HPSE2: variants seen among roughly 807,000 people sequenced by gnomAD.
HPSE2 encodes the protein heparanase 2 (inactive).
A neutral mutation model predicts 60.5 loss-of-function variants in HPSE2; 38 were observed. The observed-to-expected ratio is 0.63, with a 90% CI of 0.48 to 0.82. The LOEUF (loss-of-function observed/expected upper bound fraction) is 0.82. Ranked by LOEUF, HPSE2 falls within the 40% of genes least tolerant of loss-of-function variation. The probability of loss-of-function intolerance (pLI) is 0.00; values close to 1 mark genes in which losing one functional copy is unlikely to be tolerated. For synonymous variants in HPSE2, 295 were observed against 293.2 expected, an observed-to-expected ratio of 1.01 and a Z score of -0.06; for missense variants, 713 against 740.4, an observed-to-expected ratio of 0.96 and a Z score of 0.43.
chr10:98,772,288 G>A (rs1163608577), intron 3 of HPSE2, among the ~76,000 whole-genome samples: 1 of 152,090 alleles, frequency 6.6e-6, no homozygotes, highest in Non-Finnish European at 1.5e-5. Flanking sequence ...ATGAGTGTTA[G>A]TTAACAACTG....
At chr10:98,572,303 A>G (rs977980322) in intron 9 of HPSE2, among the ~76,000 whole-genome samples, 1 of 152,166 alleles carries the variant, frequency 6.6e-6, no homozygotes, top group African/African-American at 2.4e-5. Context: ...AATATAGTAT[A>G]TATTTTCCAT....
At chr10:98,590,355 T>C (rs983832074) in intron 9 of HPSE2, among the ~76,000 whole-genome samples, 2 of 152,190 alleles carry the variant, frequency 1.3e-5, no homozygotes, top group Admixed American at 6.5e-5. Flanking sequence ...GGCAGGAGAA[T>C]GGTGTGAACC....
chr10:98,788,677 C>T (rs1198277575), intron 3 of HPSE2, among the ~76,000 whole-genome samples: 4 of 152,074 alleles, frequency 2.6e-5, no homozygotes, highest in Admixed American at 6.6e-5. Flanking sequence ...GTCTGAAAAG[C>T]GCAATATTTG....
intron 6 of HPSE2, among the ~76,000 whole-genome samples, chr10:98,656,944 G>A (rs1003989656): frequency 1.3e-5 from 2 of 151,954 alleles, no homozygotes; most frequent in African/African-American, 2.4e-5. Context: ...GGTATTTTTG[G>A]TAGAGACATG....
chr10:98,755,456 T>A (rs1345759765), intron 3 of HPSE2, among the ~76,000 whole-genome samples: 1 of 152,008 alleles, frequency 6.6e-6, no homozygotes, highest in Non-Finnish European at 1.5e-5. Flanking sequence ...CAGTATTAGA[T>A]CATCGAGGCA....
At chr10:98,702,025 G>C (rs1948424456) in intron 5 of HPSE2, among the ~76,000 whole-genome samples, 1 of 152,118 alleles carries the variant, frequency 6.6e-6, no homozygotes, top group Admixed American at 6.6e-5. Context: ...ATTGGATAAA[G>C]AGTCAAGACC....
chr10:98,603,638 C>T (rs1476849199), intron 9 of HPSE2, among the ~76,000 whole-genome samples: 1 of 151,982 alleles, frequency 6.6e-6, no homozygotes, highest in Non-Finnish European at 1.5e-5. Context: ...CCATGTTGGG[C>T]AGGATGGTCT....
At chr10:98,871,019 T>C (rs184242834) in intron 3 of HPSE2, among the ~76,000 whole-genome samples, 4 of 151,914 alleles carry the variant, frequency 2.6e-5, no homozygotes, top group Middle Eastern at 3.4e-3. Flanking sequence ...ACTGGCTCCC[T>C]TTCCCTTCTG....
chr10:98,966,727 A>T (rs1242967707), intron 3 of HPSE2, among the ~76,000 whole-genome samples: 1 of 152,196 alleles, frequency 6.6e-6, no homozygotes, highest in East Asian at 1.9e-4. Context: ...AGAGTAGGGT[A>T]ACTATAGCTA....
chr10:99,219,321 TC>T (rs1205071053), intron 2 of HPSE2, among the ~76,000 whole-genome samples: 1 of 152,156 alleles, frequency 6.6e-6, no homozygotes, highest in Non-Finnish European at 1.5e-5. Context: ...GGGATTCAAG[TC>T]CTAAGTCTCC....
chr10:98,836,636 T>C (rs1402437520), intron 3 of HPSE2, among the ~76,000 whole-genome samples: 1 of 152,212 alleles, frequency 6.6e-6, no homozygotes, highest in African/African-American at 2.4e-5. Flanking sequence ...GAGCATGAAC[T>C]GAAGCTGCTG....
intron 2 of HPSE2, among the ~76,000 whole-genome samples, chr10:99,221,637 T>C (rs1189243369): frequency 1.3e-5 from 2 of 152,066 alleles, no homozygotes; most frequent in Non-Finnish European, 2.9e-5. Flanking sequence ...GAGCAGGGCT[T>C]TGAAAAGTAG....
chr10:98,770,171 A>G (rs1950209915), intron 3 of HPSE2, among the ~76,000 whole-genome samples: 1 of 152,144 alleles, frequency 6.6e-6, no homozygotes, highest in African/African-American at 2.4e-5. Context: ...CAGCTGTTGG[A>G]AACTTGGTAT....
At chr10:98,788,558 G>T (rs1026801746) in intron 3 of HPSE2, among the ~76,000 whole-genome samples, 1 of 151,798 alleles carries the variant, frequency 6.6e-6, no homozygotes, top group Admixed American at 6.6e-5. Context: ...TTGCCGCCTT[G>T]CAGTTTGATC....
At chr10:99,305,966 C>CGTGCGCGCGT in the HPSE2 span, among the ~76,000 whole-genome samples, 1 of 100,890 alleles carries the variant, frequency 9.9e-6, no homozygotes, top group African/African-American at 3.8e-5. Flanking sequence ...CACACACGCG[C>CGTGCGCGCGT]GCGCGCGCGC....
chr10:99,176,299 G>A (rs1564869984), intron 2 of HPSE2, among the ~76,000 whole-genome samples: 4 of 152,182 alleles, frequency 2.6e-5, no homozygotes, highest in African/African-American at 9.7e-5. Context: ...GTAAGCTTCA[G>A]AAGGTGGGTA....
intron 9 of HPSE2, among the ~76,000 whole-genome samples, chr10:98,582,391 C>G (rs1944824918): frequency 6.6e-6 from 1 of 152,164 alleles, no homozygotes; most frequent in Non-Finnish European, 1.5e-5. Context: ...GAAAATAATA[C>G]TATTACAGAT....
intron 3 of HPSE2, among the ~76,000 whole-genome samples, chr10:98,760,284 G>T (rs187401902): frequency 6.6e-6 from 1 of 151,590 alleles, no homozygotes; most frequent in South Asian, 2.1e-4. Flanking sequence ...GCCTTGGCAG[G>T]TTTCATTTCT....
intron 2 of HPSE2, among the ~76,000 whole-genome samples, chr10:99,170,539 GC>G (rs1307790382): frequency 6.6e-6 from 1 of 152,070 alleles, no homozygotes; most frequent in African/African-American, 2.4e-5. Context: ...TATTTCTAAG[GC>G]CCTCCTCATA....
Sources: allele counts gnomAD v4.1 joint callset (sites outside exome capture counted in the v4.1 genomes callset), GRCh38; gene constraint gnomAD v4.1.1; transcripts MANE v1.5; gene names NCBI Gene and HGNC (gene_info 2026-07-23, HGNC 2026-07-21).